The following PLAC8 variants were observed in gnomAD, a reference collection of about 807,000 sequenced individuals.
PLAC8 encodes placenta associated 8.
PLAC8 carries 6 observed loss-of-function variants against 12.6 expected under a neutral mutation model. The observed-to-expected ratio is 0.48, with a 90% confidence interval of 0.26 to 0.94. The LOEUF is 0.94. Ranked by LOEUF, PLAC8 falls within the 40% of genes least tolerant of loss-of-function variation. The pLI is 0.14. For synonymous variants in PLAC8, 54 were observed against 52.6 expected, an observed-to-expected ratio of 1.03 and a Z score of -0.11; for missense variants, 122 against 152.7, an observed-to-expected ratio of 0.80 and a Z score of 1.06.
intron 1 of PLAC8, among the ~76,000 whole-genome samples, chr4:83,108,164 C>T (rs972645968): frequency 6.6e-6 from 1 of 151,094 alleles, no homozygotes; most frequent in African/African-American, 2.4e-5. Context: ...TAAAAGAAAT[C>T]TCGAGGTTGC....
At chr4:83,103,388 C>T (rs1451862411) in intron 3 of PLAC8, among the ~76,000 whole-genome samples, 1 of 152,038 alleles carries the variant, frequency 6.6e-6, no homozygotes, top group Non-Finnish European at 1.5e-5. Flanking sequence ...AGTGAGACTC[C>T]ATCTCAACAA....
intron 1 of PLAC8, 129 bp downstream of exon 1, chr4:83,114,537 G>C (rs1732488500): frequency 1.3e-5 from 2 of 151,772 alleles, no homozygotes; most frequent in African/African-American, 4.8e-5. Context: ...GAAAACCTTA[G>C]TCTTTTAGCT....
chr4:83,096,858 A>G (rs1284308645), intron 3 of PLAC8, among the ~76,000 whole-genome samples: 3 of 152,162 alleles, frequency 2.0e-5, no homozygotes, highest in Non-Finnish European at 4.4e-5. Flanking sequence ...TTTGGTTTCC[A>G]CCATCCAACA....
In PLAC8 at chr4:83,102,577, G is replaced by A. The variant is rs560019963; in HGVS notation, c.243+2319C>T. Among the ~76,000 whole-genome samples the A allele has an allele frequency of 3.9e-5, 6 of 152,160 alleles. No individual in the cohort carries two copies. The East Asian group carries it at 1.2e-3, about 29-fold the overall frequency. ...GAAAAACATTCATGATTCCTGGGGGGAGATCAAAATATCAACAGTAAAGGA... is the reference window on the plus strand; with the variant it reads ...GAAAAACATTCATGATTCCTGGGGGAAGATCAAAATATCAACAGTAAAGGA... On this transcript the variant is annotated intron_variant, in intron 3 of 4. Coordinates refer to ENST00000311507, the MANE Select transcript of PLAC8 (RefSeq NM_016619.3).
chr4:83,098,873 T>C (rs1732014983), intron 3 of PLAC8, among the ~76,000 whole-genome samples: 1 of 152,100 alleles, frequency 6.6e-6, no homozygotes, highest in Admixed American at 6.6e-5. Flanking sequence ...ATAAATTATG[T>C]CTCTTTCTAA....
intron 3 of PLAC8, among the ~76,000 whole-genome samples, chr4:83,100,270 G>A (rs539426560): frequency 5.0e-4 from 68 of 134,740 alleles, no homozygotes; most frequent in Non-Finnish European, 4.6e-4. Context: ...GACAGAGCGA[G>A]ACTCCATCTC....
At chr4:83,094,491 T>C in intron 4 of PLAC8, 187 bp downstream of exon 4, 1 of 472,490 alleles carries the variant, frequency 2.1e-6, no homozygotes, top group Non-Finnish European at 3.7e-6. Flanking sequence ...AAAATATGGT[T>C]TCAAAGTATA....
intron 1 of PLAC8, among the ~76,000 whole-genome samples, chr4:83,108,571 G>A (rs1006276952): frequency 2.0e-5 from 3 of 152,180 alleles, no homozygotes; most frequent in Non-Finnish European, 4.4e-5. Context: ...CCCAGCCTGG[G>A]CGACAGAGTG....
chr4:83,107,864 C>T lies in PLAC8; in HGVS notation c.58G>A (p.Ala20Thr). 6.2e-7 allele frequency: 1 copy of T among 1,603,214 alleles called. No homozygotes were observed. The highest frequency in any genetic ancestry group is 2.3e-5 in the East Asian group (1 of 43,962). Reference protein sequence around the residue: ...VTQPGVGPGPAPQNSNWQTGM... With the variant: ...VTQPGVGPGPTPQNSNWQTGM... Reference sequence around the variant, plus strand: ...GTCTGCCAGTTGGAGTTCTGGGGGGCCGGACCGGGACCGACTCCAGGTTGG... The same window carrying T: ...GTCTGCCAGTTGGAGTTCTGGGGGGTCGGACCGGGACCGACTCCAGGTTGG... The change falls in exon 2 of 5, where the codon GCC (alanine) becomes ACC (threonine). Residue 20 changes from alanine to threonine, a missense_variant. Coordinates refer to ENST00000311507, the MANE Select transcript of PLAC8 (RefSeq NM_016619.3).
intron 1 of PLAC8, among the ~76,000 whole-genome samples, chr4:83,112,736 TA>T (rs543526480): frequency 1.2e-3 from 181 of 152,378 alleles, no homozygotes; most frequent in African/African-American, 4.1e-3. Flanking sequence ...TGTGATCATT[TA>T]AAAATTCAAG....
chr4:83,099,788 G>A (rs1368380881), intron 3 of PLAC8, among the ~76,000 whole-genome samples: 1 of 148,072 alleles, frequency 6.8e-6, no homozygotes, highest in African/African-American at 2.5e-5. Flanking sequence ...ACAGGGTCAA[G>A]AAATCTAGAC....
chr4:83,096,215 C>T (rs1250264291), intron 3 of PLAC8, among the ~76,000 whole-genome samples: 1 of 152,160 alleles, frequency 6.6e-6, no homozygotes, highest in Non-Finnish European at 1.5e-5. Flanking sequence ...GACAGCTTGG[C>T]GGTTAGAAGT....
chr4:83,101,836 A>G (rs1271464149), intron 3 of PLAC8, among the ~76,000 whole-genome samples: 1 of 152,208 alleles, frequency 6.6e-6, no homozygotes, highest in African/African-American at 2.4e-5. Context: ...AAAAAAAATA[A>G]TTATGCTAAA....
rs1415345124 is a variant in PLAC8, at chr4:83,105,474, A to G, written c.119-454T>C. ...TCAGGAAATATTGAAGGATGATTAG[A>G]TGTTTTAAAGGTGGACAAAAAGGAA... On this transcript the variant is annotated intron_variant, in intron 2 of 4. Coordinates refer to ENST00000311507, the MANE Select transcript of PLAC8 (RefSeq NM_016619.3). Among the ~76,000 whole-genome samples, 3 of 152,210 alleles carry G rather than the reference A, an allele frequency of 2.0e-5. No individual in the cohort carries two copies. The East Asian group carries it at 5.8e-4, about 29-fold the overall frequency.
chr4:83,108,311 G>A (rs1560456897), intron 1 of PLAC8, among the ~76,000 whole-genome samples: 2 of 152,086 alleles, frequency 1.3e-5, no homozygotes, highest in Non-Finnish European at 2.9e-5. Context: ...CACCGAACTG[G>A]GCCGGGCGCG....
intron 4 of PLAC8, among the ~76,000 whole-genome samples, chr4:83,092,225 C>T (rs1341340931): frequency 6.6e-6 from 1 of 152,112 alleles, no homozygotes; most frequent in Non-Finnish European, 1.5e-5. Context: ...TATCAGGACT[C>T]ATTACTATGA....
chr4:83,107,829 A>G lies in PLAC8; in HGVS notation c.93T>C (p.Cys31=). ...AGACTCCGCAGTCGCTGAAACAGTC[A>G]CACATGCCTGTCTGCCAGTTGGAGT... ...PQNSNWQTGM[C]DCFSDCGVCL... Residue 31 remains cysteine, a synonymous_variant, in exon 2 of 5, where the codon TGT becomes TGC. Transcript: ENST00000311507. 1 of 1,607,732 alleles carries G rather than the reference A, an allele frequency of 6.2e-7. No individual in the cohort carries two copies. The highest frequency in any genetic ancestry group is 8.5e-7 in the Non-Finnish European group (1 of 1,176,210).
chr4:83,097,847 T>C (rs1731980672), intron 3 of PLAC8, among the ~76,000 whole-genome samples: 1 of 148,966 alleles, frequency 6.7e-6, no homozygotes, highest in Non-Finnish European at 1.5e-5. Context: ...TGTAATTTTG[T>C]CTAGTTTTGA....
chr4:83,105,205 T>C (rs1416386553), intron 2 of PLAC8, among the ~76,000 whole-genome samples, 185 bp from the exon 3 acceptor site: 1 of 152,264 alleles, frequency 6.6e-6, no homozygotes, highest in East Asian at 1.9e-4. Context: ...GCAAATCATT[T>C]CAGGAATGAC....
Sources: allele counts gnomAD v4.1 joint callset (sites outside exome capture counted in the v4.1 genomes callset), GRCh38; gene constraint gnomAD v4.1.1; transcripts MANE v1.5; gene names NCBI Gene and HGNC (gene_info 2026-07-23, HGNC 2026-07-21).